L3MBTL3: variants seen among roughly 807,000 people sequenced by gnomAD.
The protein encoded by L3MBTL3 is L3MBTL histone methyl-lysine binding protein 3.
Under a neutral mutation model 102.3 loss-of-function variants are expected in L3MBTL3, and 27 were observed. That is an observed-to-expected ratio of 0.26 (90% CI 0.19 to 0.36). The LOEUF (loss-of-function observed/expected upper bound fraction) is 0.36, where lower values mean the gene tolerates loss of function less well. L3MBTL3 is among the 10% of genes least tolerant of loss of function. The pLI, the probability that L3MBTL3 is intolerant of heterozygous loss-of-function variation, is 1.00. For missense variants in L3MBTL3, 798 were observed against 955.3 expected (o/e 0.84, Z 2.17); for synonymous variants, 340 against 320.9 (o/e 1.06, Z -0.64).
intron 20 of L3MBTL3, among the ~76,000 whole-genome samples, chr6:130,129,503 C>T (rs2114379865): frequency 6.6e-6 from 1 of 152,212 alleles, no homozygotes; most frequent in East Asian, 1.9e-4. Context: ...ATGACCATTC[C>T]TTCCATATGG....
In L3MBTL3 at chr6:130,078,574, C is replaced by T. The variant is rs765542473; in HGVS notation, c.1261C>T (p.Pro421Ser). The stretch of plus-strand genomic sequence containing the variant: ...AACTTTCAGGTGTGAAGCATCAAGT[C>T]CACATATTCATCCAGTTGGTTGGTG... ...SYDYWCEASS[P>S]HIHPVGWCKE... Residue 421 changes from proline (P) to serine (S), a missense_variant, in exon 14 of 23, where the codon CCA (proline) becomes TCA (serine). Pro to Ser is a moderately conservative substitution (Grantham distance 74). This residue lies in a region of L3MBTL3 where 10 missense variants were observed against 27.4 expected (regional missense o/e 0.37). Coordinates refer to ENST00000361794, the MANE Select transcript of L3MBTL3 (RefSeq NM_032438.4). 1.2e-6 allele frequency: 2 copies of T among 1,610,186 alleles called. No individual in the cohort carries two copies. The highest frequency in any genetic ancestry group is 3.3e-5 in the Admixed American group (2 of 59,740).
intron 3 of L3MBTL3, among the ~76,000 whole-genome samples, chr6:130,044,989 A>G (rs1402834566): frequency 1.3e-5 from 2 of 152,164 alleles, no homozygotes; most frequent in Non-Finnish European, 2.9e-5. Context: ...AATTCAGTTA[A>G]TATAGTCAGC....
chr6:130,038,610 C>A (rs1431574336), intron 2 of L3MBTL3, among the ~76,000 whole-genome samples: 2 of 133,928 alleles, frequency 1.5e-5, no homozygotes, highest in African/African-American at 2.8e-5. Context: ...ATTTTCAAAT[C>A]AGATTATTTG....
intron 17 of L3MBTL3, among the ~76,000 whole-genome samples, chr6:130,093,827 T>G (rs1404318150): frequency 6.6e-6 from 1 of 152,212 alleles, no homozygotes; most frequent in Non-Finnish European, 1.5e-5. Flanking sequence ...GTCTGCAATG[T>G]AGAAAGAAGA....
chr6:130,080,131 A>G (rs1042620196), intron 14 of L3MBTL3, among the ~76,000 whole-genome samples: 5 of 152,064 alleles, frequency 3.3e-5, no homozygotes, highest in African/African-American at 9.7e-5. Flanking sequence ...GCATGCACCT[A>G]TAGTCCCTGC....
At chr6:130,122,816 A>G (rs909469062) in intron 20 of L3MBTL3, among the ~76,000 whole-genome samples, 2 of 152,180 alleles carry the variant, frequency 1.3e-5, no homozygotes, top group Admixed American at 6.5e-5. Flanking sequence ...TGGGCAAAGT[A>G]CCTAACCTGT....
At chr6:130,135,551 G>T (rs1787557610) in intron 22 of L3MBTL3, among the ~76,000 whole-genome samples, 2 of 152,072 alleles carry the variant, frequency 1.3e-5, no homozygotes, top group Non-Finnish European at 1.5e-5. Flanking sequence ...CTATAGGTTT[G>T]CTCTATTATT....
chr6:130,056,640 T>A (rs2114849955), intron 8 of L3MBTL3, among the ~76,000 whole-genome samples: 1 of 152,222 alleles, frequency 6.6e-6, no homozygotes, highest in East Asian at 1.9e-4. Context: ...TCAGTTCCTC[T>A]GCACTCTGCC....
At position 130,055,215 on chromosome 6, in the gene L3MBTL3, A is replaced by C. The variant is rs1781390188; in HGVS notation, c.627A>C (p.Ala209=). ...DVRILRGSQR[A]RRKRRGDSAV... is the part of the protein sequence containing the mutation. ...GAATCCTGAGGGGTTCGCAGAGAGC[A>C]CGGAGGAAAAGACGAGGGGATTCGG... Residue 209 remains alanine, a synonymous_variant, in exon 8 of 23, where the codon GCA becomes GCC. Transcript: ENST00000361794. 6.2e-7 allele frequency: 1 copy of C among 1,613,938 alleles called. No homozygotes were observed. Among genetic ancestry groups the C allele is most frequent in the Non-Finnish European group, 8.5e-7 (1 of 1,179,904 alleles).
intron 13 of L3MBTL3, among the ~76,000 whole-genome samples, chr6:130,071,369 C>G (rs944182110): frequency 6.6e-5 from 10 of 152,164 alleles, no homozygotes; most frequent in African/African-American, 2.4e-4. Flanking sequence ...AGTCTGCACA[C>G]TCCACATTCC....
chr6:130,091,618 T>G (rs747507210), intron 16 of L3MBTL3, among the ~76,000 whole-genome samples: 40 of 152,002 alleles, frequency 2.6e-4, no homozygotes, highest in Admixed American at 1.2e-3. Context: ...TACCCACCAG[T>G]TGGAGGAATG....
In L3MBTL3 at chr6:130,102,969, T is replaced by C. The variant is rs145546641; in HGVS notation, c.1737-1457T>C. ...GAGAGCTGCTTTCTTGTCTTTTTAT[T>C]GTCCACTGAGTTTCCAATGCCTGGA... On this transcript the variant is annotated intron_variant, in intron 18 of 22. Coordinates refer to ENST00000361794, the MANE Select transcript of L3MBTL3 (RefSeq NM_032438.4). 5.3e-5 allele frequency among the ~76,000 whole-genome samples: 8 copies of C among 152,372 alleles called. No individual in the cohort carries two copies. The East Asian group carries it at 1.5e-3, about 29-fold the overall frequency.
chr6:130,112,238 A>C (rs1203112041), intron 19 of L3MBTL3, among the ~76,000 whole-genome samples: 1 of 152,164 alleles, frequency 6.6e-6, no homozygotes, highest in African/African-American at 2.4e-5. Context: ...GGCAGGGGCC[A>C]TGTCTTTTCT....
At chr6:130,038,364 A>T (rs62421322) in intron 2 of L3MBTL3, among the ~76,000 whole-genome samples, 3,871 of 151,850 alleles carry the variant, frequency 0.025, 85 homozygotes, top group Non-Finnish European at 0.039. Context: ...TATAATGGCC[A>T]TACTACTCTA....
chr6:130,060,301 G>T (rs1244026994), intron 10 of L3MBTL3, among the ~76,000 whole-genome samples, 161 bp downstream of exon 10: 7 of 152,150 alleles, frequency 4.6e-5, no homozygotes, highest in African/African-American at 1.7e-4. Context: ...TGCATGTTGT[G>T]GTTTTTCTCA....
chr6:130,104,308 CAT>C (rs1784861618), intron 18 of L3MBTL3, 116 bp from the exon 19 acceptor site: 2 of 595,934 alleles, frequency 3.4e-6, no homozygotes, highest in East Asian at 6.5e-5. Context: ...AACAATATAA[CAT>C]ATTCAGTTAA....
chr6:130,118,161 A>G (rs1785859194), intron 19 of L3MBTL3, among the ~76,000 whole-genome samples: 1 of 152,186 alleles, frequency 6.6e-6, no homozygotes, highest in Non-Finnish European at 1.5e-5. Context: ...ACTTTATTTT[A>G]GAAAAACACA....
At chr6:130,077,373 G>T (rs903964217) in intron 13 of L3MBTL3, among the ~76,000 whole-genome samples, 1 of 152,076 alleles carries the variant, frequency 6.6e-6, no homozygotes, top group South Asian at 2.1e-4. Flanking sequence ...CATGAACTTG[G>T]CATTGACCTA....
chr6:130,049,668 G>A (rs1419021619), intron 4 of L3MBTL3, 88 bp from the exon 5 acceptor site: 1 of 1,508,916 alleles, frequency 6.6e-7, no homozygotes, highest in African/African-American at 1.4e-5. Context: ...AGGTGATTTA[G>A]CCAAAAGCCT....
Sources: allele counts gnomAD v4.1 joint callset (sites outside exome capture counted in the v4.1 genomes callset), GRCh38; gene constraint gnomAD v4.1.1; regional missense constraint gnomAD v4.1.1; transcripts MANE v1.5; gene names NCBI Gene and HGNC (gene_info 2026-07-23, HGNC 2026-07-21).